Variants in PDE4B observed in about 807,000 individuals in gnomAD.
The protein encoded by PDE4B is 3',5'-cyclic-AMP phosphodiesterase 4B.
PDE4B carries 20 observed loss-of-function variants against 82.2 expected under a neutral mutation model. The observed-to-expected ratio is 0.24, with a 90% CI of 0.17 to 0.35. The LOEUF (loss-of-function observed/expected upper bound fraction) is 0.35. Among genes scored for constraint, PDE4B ranks in the 10% least tolerant of loss-of-function variants. The probability of loss-of-function intolerance (pLI) is 1.00; values close to 1 mark genes in which losing one functional copy is unlikely to be tolerated. For missense variants in PDE4B, 655 were observed against 907.2 expected (o/e 0.72, Z 3.57); for synonymous variants, 320 against 318.9 (o/e 1.00, Z -0.04).
At chr1:65,861,696 C>G (rs1646456461) in intron 1 of PDE4B, among the ~76,000 whole-genome samples, 1 of 152,010 alleles carries the variant, frequency 6.6e-6, no homozygotes, top group South Asian at 2.1e-4. Context: ...AATATTTTTC[C>G]ATTTGTTTGT....
chr1:66,268,868 C>T (rs990961620), intron 7 of PDE4B, among the ~76,000 whole-genome samples: 2 of 151,634 alleles, frequency 1.3e-5, no homozygotes, highest in African/African-American at 2.4e-5. Flanking sequence ...CAATTTAATT[C>T]TCTGATATAC....
At chr1:66,092,065 A>G (rs1292862044) in intron 3 of PDE4B, among the ~76,000 whole-genome samples, 1 of 152,052 alleles carries the variant, frequency 6.6e-6, no homozygotes, top group African/African-American at 2.4e-5. Flanking sequence ...AAAATATTGG[A>G]TTAATGAATG....
intron 3 of PDE4B, among the ~76,000 whole-genome samples, chr1:66,033,983 C>G (rs902622283): frequency 2.6e-5 from 4 of 152,150 alleles, no homozygotes; most frequent in Non-Finnish European, 4.4e-5. Flanking sequence ...ACACCCCTAT[C>G]CTGAACGTGT....
intron 4 of PDE4B, among the ~76,000 whole-genome samples, chr1:66,248,431 A>G (rs1653494484): frequency 6.6e-6 from 1 of 152,036 alleles, no homozygotes; most frequent in South Asian, 2.1e-4. Context: ...GGAAAATTCC[A>G]CTCTGTTCTC....
intron 7 of PDE4B, among the ~76,000 whole-genome samples, chr1:66,322,723 T>C (rs573534609): frequency 6.6e-6 from 1 of 151,306 alleles, no homozygotes; most frequent in Admixed American, 6.6e-5. Context: ...AACCAGTAGG[T>C]TTCAACACAG....
rs766932404 is a variant in PDE4B, at chr1:66,266,026, C to T, written c.585-12C>T. 1 of 1,610,636 alleles carries T rather than the reference C, an allele frequency of 6.2e-7. No individual in the cohort carries two copies. Among genetic ancestry groups the T allele is most frequent in the Non-Finnish European group, 8.5e-7 (1 of 1,176,892 alleles). ...TACACAGACTCAGTCCTTCTTTTCT[C>T]TGTCTCCACAGGAGGTCCCCAGCTG... On this transcript the variant is annotated splice_polypyrimidine_tract_variant and intron_variant, in intron 6 of 16. Transcript: ENST00000341517.
intron 3 of PDE4B, among the ~76,000 whole-genome samples, chr1:66,231,477 G>A (rs1651942471): frequency 6.6e-6 from 1 of 152,224 alleles, no homozygotes; most frequent in African/African-American, 2.4e-5. Flanking sequence ...GTGAGGAAAT[G>A]GAGTTATTGA....
chr1:66,367,931 T>C lies in PDE4B; in HGVS notation c.1540-12T>C, dbSNP rs1663369826. The C allele has an allele frequency of 1.2e-6, 2 of 1,613,110 alleles. No homozygotes were observed. The highest frequency in any genetic ancestry group is 2.7e-5 in the African/African-American group (2 of 74,816). Reference sequence around the variant, plus strand: ...GAATTTATTAAGAGTTTTCATTTTCTTTTTACCCAAGGTGTTAGCAACTGA... The same window carrying C: ...GAATTTATTAAGAGTTTTCATTTTCCTTTTACCCAAGGTGTTAGCAACTGA... On this transcript the variant is annotated splice_polypyrimidine_tract_variant and intron_variant, in intron 14 of 16. Coordinates refer to ENST00000341517, the MANE Select transcript of PDE4B (RefSeq NM_002600.4).
In PDE4B at chr1:65,930,977, A is replaced by G. The variant is rs529997628; in HGVS notation, c.281+12142A>G. The stretch of plus-strand genomic sequence containing the variant: ...AATCTCATGTTCAATTGTAATCCCC[A>G]ATGTTGGAAGTGGGACCTGGTGGGA... On this transcript the variant is annotated intron_variant, in intron 3 of 16. Coordinates refer to ENST00000341517, the MANE Select transcript of PDE4B (RefSeq NM_002600.4). 2.6e-5 allele frequency among the ~76,000 whole-genome samples: 4 copies of G among 152,264 alleles called. No individual in the cohort carries two copies. The East Asian group carries it at 7.7e-4, about 29-fold the overall frequency.
At chr1:65,870,688 C>CT (rs144586662) in intron 1 of PDE4B, among the ~76,000 whole-genome samples, 2,465 of 152,062 alleles carry the variant, frequency 0.016, 78 homozygotes, top group African/African-American at 0.057. Context: ...GGGTTACAAC[C>CT]TTTTTTCCCA....
chr1:66,249,428 G>C (rs1653579667), intron 4 of PDE4B, among the ~76,000 whole-genome samples: 1 of 152,124 alleles, frequency 6.6e-6, no homozygotes, highest in East Asian at 1.9e-4. Context: ...AGAATCTCAA[G>C]GTCATTCAGA....
intron 3 of PDE4B, among the ~76,000 whole-genome samples, chr1:65,981,977 A>C (rs1422792320): frequency 6.6e-6 from 1 of 152,170 alleles, no homozygotes; most frequent in African/African-American, 2.4e-5. Flanking sequence ...AGCCACCCAG[A>C]CTGTGGTATT....
At chr1:65,891,309 T>G (rs191597171) in intron 1 of PDE4B, among the ~76,000 whole-genome samples, 60 of 152,236 alleles carry the variant, frequency 3.9e-4, no homozygotes, top group Non-Finnish European at 5.0e-4. Context: ...GCATCTGCTC[T>G]TTGTACATTT....
intron 3 of PDE4B, among the ~76,000 whole-genome samples, chr1:66,107,114 T>G (rs998058078): frequency 1.3e-5 from 2 of 150,476 alleles, no homozygotes; most frequent in Non-Finnish European, 3.0e-5. Context: ...TTTGAATGTG[T>G]CCCAGAGATT....
At chr1:66,203,000 C>T (rs1201042236) in intron 3 of PDE4B, among the ~76,000 whole-genome samples, 2 of 152,012 alleles carry the variant, frequency 1.3e-5, no homozygotes, top group Admixed American at 6.6e-5. Context: ...TGTTCATTTC[C>T]ATGTTTAGTG....
intron 1 of PDE4B, among the ~76,000 whole-genome samples, chr1:65,874,925 G>T (rs1264471592): frequency 6.6e-6 from 1 of 151,934 alleles, no homozygotes; most frequent in Non-Finnish European, 1.5e-5. Flanking sequence ...AAAAGCAATG[G>T]CAACAAAAGC....
chr1:65,793,081 C>T lies in PDE4B; in HGVS notation c.-238C>T, dbSNP rs1033465115. The T allele has an allele frequency of 6.6e-6, 1 of 152,018 alleles. No homozygotes were observed. The highest frequency in any genetic ancestry group is 2.4e-5 in the African/African-American group (1 of 41,406). The allele number at this position is 152,018 out of a possible 1,614,324, so 9.4% of individuals were successfully genotyped here. ...GCGGGCCGGGCTGCACGCGAGCGCC[C>T]TCCGGGCAGACTTTCGTCCCCCACC... On this transcript the variant is annotated 5_prime_UTR_variant, in exon 1 of 17. Coordinates refer to ENST00000341517, the MANE Select transcript of PDE4B (RefSeq NM_002600.4).
Position 65,978,172 on chromosome 1 carries a change from C to T in PDE4B, c.281+59337C>T, listed in dbSNP as rs188028943. On this transcript the variant is annotated intron_variant, in intron 3 of 16. Coordinates refer to ENST00000341517, the MANE Select transcript of PDE4B (RefSeq NM_002600.4). ...CCTCCAGAGTAGTTGGGATTACAGGCGCCCACCAGCACACCCGGGTAATTT... is the reference window on the plus strand; with the variant it reads ...CCTCCAGAGTAGTTGGGATTACAGGTGCCCACCAGCACACCCGGGTAATTT... 2.3e-3 allele frequency among the ~76,000 whole-genome samples: 343 copies of T among 151,528 alleles called. 1 individual carries two copies. The highest frequency in any genetic ancestry group is 7.7e-3 in the African/African-American group (317 of 41,316).
intron 3 of PDE4B, among the ~76,000 whole-genome samples, chr1:66,163,779 G>C (rs1460738082): frequency 6.6e-6 from 1 of 152,150 alleles, no homozygotes; most frequent in Non-Finnish European, 1.5e-5. Flanking sequence ...TTTAACAGCT[G>C]CCCAGCTTCC....
Sources: gnomAD v4.1 joint callset for allele counts (sites outside exome capture counted in the v4.1 genomes callset) on GRCh38, gnomAD v4.1.1 for gene constraint, MANE v1.5 for transcripts, NCBI Gene and HGNC (gene_info 2026-07-23, HGNC 2026-07-21) for gene names.